The following RBFOX3 variants were observed in gnomAD, a reference collection of about 807,000 sequenced individuals.
RBFOX3 encodes RNA binding fox-1 homolog 3, also known as RNA binding protein fox-1 homolog 3.
Under a neutral mutation model 48.7 loss-of-function variants are expected in RBFOX3, and 17 were observed. The ratio of observed to expected loss-of-function variants is 0.35; its 90% CI spans 0.24 to 0.52. RBFOX3 has a LOEUF of 0.52. RBFOX3 is among the 20% of genes least tolerant of loss of function. RBFOX3 has a pLI of 0.94. For synonymous variants in RBFOX3, 212 were observed against 209.5 expected, an observed-to-expected ratio of 1.01 and a Z score of -0.10; for missense variants, 382 against 497.5, an observed-to-expected ratio of 0.77 and a Z score of 2.21.
At chr17:79,343,581 G>A (rs2082423341) in intron 2 of RBFOX3, among the ~76,000 whole-genome samples, 1 of 152,088 alleles carries the variant, frequency 6.6e-6, no homozygotes, top group Non-Finnish European at 1.5e-5. Context: ...ATGTCATTTA[G>A]CTTCTTGAGC....
the RBFOX3 span, among the ~76,000 whole-genome samples, chr17:79,624,863 C>G: frequency 7.0e-6 from 1 of 142,248 alleles, no homozygotes; most frequent in Non-Finnish European, 1.5e-5. Flanking sequence ...GGAGCTCCCA[C>G]TTTGGGCACA....
At chr17:79,334,845 T>G (rs1216289408) in intron 2 of RBFOX3, among the ~76,000 whole-genome samples, 1 of 152,232 alleles carries the variant, frequency 6.6e-6, no homozygotes, top group African/African-American at 2.4e-5. Flanking sequence ...CTGTTGCCTG[T>G]GCCTGGCACG....
At chr17:79,169,370 G>T (rs529815295) in intron 4 of RBFOX3, among the ~76,000 whole-genome samples, 61 of 152,222 alleles carry the variant, frequency 4.0e-4, no homozygotes, top group African/African-American at 1.4e-3. Flanking sequence ...TGGGCTGTGC[G>T]GTGGGCAGTC....
chr17:79,100,959 C>T (rs1028265016), intron 9 of RBFOX3, among the ~76,000 whole-genome samples: 4 of 152,152 alleles, frequency 2.6e-5, no homozygotes, highest in African/African-American at 4.8e-5. Flanking sequence ...TCAGGGCCAC[C>T]CATGTCAAAA....
At chr17:79,294,806 G>T (rs1461205126) in intron 3 of RBFOX3, among the ~76,000 whole-genome samples, 1 of 152,156 alleles carries the variant, frequency 6.6e-6, no homozygotes, top group Non-Finnish European at 1.5e-5. Flanking sequence ...AGCGGCCAGT[G>T]CTCAGGAAGG....
At chr17:79,606,431 G>A (rs1441433299) in intron 1 of RBFOX3, among the ~76,000 whole-genome samples, 1 of 152,152 alleles carries the variant, frequency 6.6e-6, no homozygotes, top group African/African-American at 2.4e-5. Context: ...CGGGCAAGAC[G>A]CATCCAGAAT....
intron 3 of RBFOX3, among the ~76,000 whole-genome samples, chr17:79,291,755 CAGCCCCTCTCCCCTGGCAACTCTTGG>C (rs1295112770): frequency 6.6e-6 from 1 of 152,212 alleles, no homozygotes; most frequent in Non-Finnish European, 1.5e-5. Context: ...AGAGAGTACA[CAGCCCCTCTCCCCTGGCAACTCTTGG>C]AGCCTTTCTA....
intron 4 of RBFOX3, among the ~76,000 whole-genome samples, chr17:79,194,424 T>C (rs1276336729): frequency 6.6e-6 from 1 of 152,048 alleles, no homozygotes; most frequent in Non-Finnish European, 1.5e-5. Flanking sequence ...CTGGCCAACA[T>C]GGTGAAACCC....
chr17:79,561,590 G>A (rs1198409809), intron 1 of RBFOX3, among the ~76,000 whole-genome samples: 35 of 152,292 alleles, frequency 2.3e-4, no homozygotes, highest in Admixed American at 2.0e-3. Flanking sequence ...ACTGAAAAGC[G>A]GTGCGTGTTG....
chr17:79,381,159 C>G (rs2059862966), intron 2 of RBFOX3, among the ~76,000 whole-genome samples: 1 of 151,836 alleles, frequency 6.6e-6, no homozygotes, highest in Admixed American at 6.6e-5. Flanking sequence ...ACTCAGGAGG[C>G]TGAGGCAGGA....
chr17:79,512,470 C>A (rs1354082064), intron 1 of RBFOX3, among the ~76,000 whole-genome samples: 3 of 142,646 alleles, frequency 2.1e-5, no homozygotes, highest in Middle Eastern at 4.2e-3. Flanking sequence ...GGGATATACA[C>A]CCGGATACAT....
At position 79,111,038 on chromosome 17, in the gene RBFOX3, A is replaced by G. The variant is rs1376201039; in HGVS notation, c.223-4250T>C. Among the ~76,000 whole-genome samples, 1 of 152,244 alleles carries G rather than the reference A, an allele frequency of 6.6e-6. No homozygotes were observed. The highest frequency in any genetic ancestry group is 1.9e-4 in the East Asian group (1 of 5,194). The stretch of plus-strand genomic sequence containing the variant: ...GCTGAGGGGAGAGGGCCTTGGCCAG[A>G]CTGTGAAGCCTGTAGTTATAGATGA... On this transcript the variant is annotated intron_variant, in intron 5 of 14. Coordinates refer to ENST00000693108, the MANE Select transcript of RBFOX3 (RefSeq NM_001350451.2). The surrounding 1 kb of genome is among the most constrained non-coding windows in gnomAD (Gnocchi z 4.2).
In RBFOX3 at chr17:79,366,730, G is replaced by T. The variant is rs150769471; in HGVS notation, c.-174-58906C>A. On this transcript the variant is annotated intron_variant, in intron 2 of 14. Coordinates refer to ENST00000693108, the MANE Select transcript of RBFOX3 (RefSeq NM_001350451.2). ...GAGGCAATGTTTGAGGAGCTGGAAGGCTTCTGCCTGTGGACACTGGCAGGA... is the reference window on the plus strand; with the variant it reads ...GAGGCAATGTTTGAGGAGCTGGAAGTCTTCTGCCTGTGGACACTGGCAGGA... Among the ~76,000 whole-genome samples, 269 of 152,292 alleles carry T rather than the reference G, an allele frequency of 1.8e-3. 2 individuals carry two copies. The highest frequency in any genetic ancestry group is 6.2e-3 in the African/African-American group (256 of 41,554).
chr17:79,335,549 C>G (rs1417290563), intron 2 of RBFOX3, among the ~76,000 whole-genome samples: 1 of 152,218 alleles, frequency 6.6e-6, no homozygotes, highest in Non-Finnish European at 1.5e-5. Context: ...CCTCTCATCT[C>G]TAGGTCCCAG....
chr17:79,091,699 ATATACCC>A (rs1203413304), intron 14 of RBFOX3, among the ~76,000 whole-genome samples: 1 of 152,176 alleles, frequency 6.6e-6, no homozygotes, highest in African/African-American at 2.4e-5. Flanking sequence ...TCCTTCCGGA[ATATACCC>A]CAATAAAGAC....
chr17:79,308,844 T>C (rs1022495894), intron 2 of RBFOX3, among the ~76,000 whole-genome samples: 1 of 144,084 alleles, frequency 6.9e-6, no homozygotes, highest in Admixed American at 7.2e-5. Flanking sequence ...TTGGACCGGG[T>C]GTGGTGGCTC....
intron 2 of RBFOX3, among the ~76,000 whole-genome samples, chr17:79,382,775 T>G (rs2147965166): frequency 6.6e-6 from 1 of 152,300 alleles, no homozygotes; most frequent in East Asian, 1.9e-4. Flanking sequence ...CCTTGCAGCC[T>G]GATGCAAAAG....
At chr17:79,291,071 TG>T (rs758357015) in intron 3 of RBFOX3, among the ~76,000 whole-genome samples, 7 of 152,182 alleles carry the variant, frequency 4.6e-5, no homozygotes, top group Non-Finnish European at 1.0e-4. Flanking sequence ...GGTGTGGTGT[TG>T]GGGGCTGGAG....
intron 2 of RBFOX3, among the ~76,000 whole-genome samples, chr17:79,411,599 G>C (rs1264851702): frequency 2.0e-5 from 3 of 152,144 alleles, no homozygotes; most frequent in African/African-American, 7.2e-5. Context: ...CTGCCTGCCA[G>C]CCCGACTTCG....
Sources: gnomAD v4.1 joint callset for allele counts (sites outside exome capture counted in the v4.1 genomes callset) on GRCh38, gnomAD v4.1.1 for gene constraint, Gnocchi (gnomAD v3.1) non-coding constraint, MANE v1.5 for transcripts, NCBI Gene and HGNC (gene_info 2026-07-23, HGNC 2026-07-21) for gene names.